The following PTPRG variants were observed in gnomAD, a reference collection of about 807,000 sequenced individuals.
PTPRG encodes protein tyrosine phosphatase receptor type G, also known as receptor-type tyrosine-protein phosphatase gamma.
A neutral mutation model predicts 165.3 loss-of-function variants in PTPRG; 102 were observed. The observed-to-expected ratio is 0.62, with a 90% CI of 0.53 to 0.73. PTPRG has a LOEUF of 0.73. Among genes scored for constraint, PTPRG ranks in the 30% least tolerant of loss-of-function variants. The probability of loss-of-function intolerance (pLI) is 0.00; values close to 1 mark genes in which losing one functional copy is unlikely to be tolerated. For synonymous variants in PTPRG, 675 were observed against 669.5 expected, an observed-to-expected ratio of 1.01 and a Z score of -0.13; for missense variants, 1,866 against 1,861.4, an observed-to-expected ratio of 1.00 and a Z score of -0.05.
intron 4 of PTPRG, among the ~76,000 whole-genome samples, chr3:62,042,708 A>G (rs1035564496): frequency 3.3e-5 from 5 of 152,256 alleles, no homozygotes; most frequent in East Asian, 1.9e-4. Context: ...CATAGCTTCT[A>G]TAATTCTGTG....
intron 8 of PTPRG, among the ~76,000 whole-genome samples, chr3:62,173,327 G>A (rs1705291149): frequency 6.6e-6 from 1 of 151,836 alleles, no homozygotes; most frequent in South Asian, 2.1e-4. Context: ...TATAAGTGCC[G>A]ACTGTACTCA....
intron 1 of PTPRG, among the ~76,000 whole-genome samples, chr3:61,646,036 A>G (rs1702191834): frequency 6.6e-6 from 1 of 151,958 alleles, no homozygotes; most frequent in African/African-American, 2.4e-5. Flanking sequence ...ACAAATAAGG[A>G]CTCCTCCATT....
At chr3:61,717,185 C>T (rs1384277651) in intron 1 of PTPRG, among the ~76,000 whole-genome samples, 1 of 151,956 alleles carries the variant, frequency 6.6e-6, no homozygotes, top group Admixed American at 6.6e-5. Flanking sequence ...TTTTTTTCTG[C>T]CTTGTGTGGT....
intron 1 of PTPRG, among the ~76,000 whole-genome samples, chr3:61,747,560 C>G (rs964859714): frequency 1.3e-5 from 2 of 152,052 alleles, no homozygotes; most frequent in African/African-American, 4.8e-5. Context: ...CTGTGGAATA[C>G]TATTGTTCAA....
At chr3:62,221,981 A>G (rs1047241799) in intron 13 of PTPRG, among the ~76,000 whole-genome samples, 3 of 152,286 alleles carry the variant, frequency 2.0e-5, no homozygotes, top group Admixed American at 2.0e-4. Context: ...GGTGGCACCA[A>G]CTCATGTGAT....
At chr3:61,854,964 T>C (rs558503190) in intron 2 of PTPRG, among the ~76,000 whole-genome samples, 7 of 152,352 alleles carry the variant, frequency 4.6e-5, no homozygotes, top group Non-Finnish European at 8.8e-5. Flanking sequence ...GCATTAATTT[T>C]TCTAGTAGAG....
chr3:62,205,532 G>C (rs538618165), intron 12 of PTPRG, among the ~76,000 whole-genome samples: 47 of 152,288 alleles, frequency 3.1e-4, no homozygotes, highest in Non-Finnish European at 4.9e-4. Context: ...GGAGCGGAGG[G>C]ACAGTGTAGC....
At chr3:62,038,261 T>C (rs1174989664) in intron 4 of PTPRG, among the ~76,000 whole-genome samples, 1 of 152,240 alleles carries the variant, frequency 6.6e-6, no homozygotes, top group Non-Finnish European at 1.5e-5. Context: ...CTCCCTAAGT[T>C]GGTAATGCAG....
chr3:61,676,456 CAAAAAAA>C (rs71629138), intron 1 of PTPRG, among the ~76,000 whole-genome samples: 6 of 21,868 alleles, frequency 2.7e-4, no homozygotes, highest in African/African-American at 7.3e-4. Context: ...GACTCCATCT[CAAAAAAA>C]AAAAAAAAAA....
chr3:62,019,206 A>T (rs899228391), intron 4 of PTPRG, among the ~76,000 whole-genome samples: 20 of 152,266 alleles, frequency 1.3e-4, no homozygotes, highest in Non-Finnish European at 1.5e-5. Context: ...ACAGTAAGAG[A>T]TATTCCCCAT....
intron 2 of PTPRG, among the ~76,000 whole-genome samples, chr3:61,799,885 A>AG (rs1182791270): frequency 6.6e-6 from 1 of 152,188 alleles, no homozygotes; most frequent in Admixed American, 6.5e-5. Flanking sequence ...TTATTGTTCA[A>AG]GGGGTTGAAT....
chr3:62,142,048 A>G (rs917875553), intron 6 of PTPRG, among the ~76,000 whole-genome samples: 4 of 151,002 alleles, frequency 2.6e-5, no homozygotes, highest in African/African-American at 7.3e-5. Flanking sequence ...CCACGATGGG[A>G]AAGAATGGCC....
At chr3:61,669,491 T>G (rs893204399) in intron 1 of PTPRG, among the ~76,000 whole-genome samples, 7 of 152,224 alleles carry the variant, frequency 4.6e-5, no homozygotes, top group Non-Finnish European at 1.0e-4. Context: ...CTCTTACTCC[T>G]TCTTACTTCT....
intron 5 of PTPRG, among the ~76,000 whole-genome samples, chr3:62,127,184 T>G (rs558869243): frequency 1.3e-5 from 2 of 152,214 alleles, no homozygotes; most frequent in African/African-American, 4.8e-5. Context: ...GTGATCTCTT[T>G]CTGGGTAAGG....
intron 2 of PTPRG, among the ~76,000 whole-genome samples, chr3:61,943,410 G>A (rs2039681824): frequency 6.6e-6 from 1 of 152,110 alleles, no homozygotes; most frequent in South Asian, 2.1e-4. Context: ...GGCCAACATG[G>A]CGCAACTCCG....
intron 2 of PTPRG, among the ~76,000 whole-genome samples, chr3:61,961,781 G>A (rs1415709180): frequency 6.6e-6 from 1 of 152,128 alleles, no homozygotes; most frequent in African/African-American, 2.4e-5. Flanking sequence ...CATCAACCCA[G>A]GGGACTTGTA....
chr3:62,163,579 T>G (rs1409730686), intron 7 of PTPRG, among the ~76,000 whole-genome samples: 1 of 152,178 alleles, frequency 6.6e-6, no homozygotes, highest in Non-Finnish European at 1.5e-5. Context: ...TGTCATAGGT[T>G]TGATAAATAT....
At chr3:61,731,813 C>CT (rs1047013695) in intron 1 of PTPRG, among the ~76,000 whole-genome samples, 24 of 148,346 alleles carry the variant, frequency 1.6e-4, no homozygotes, top group African/African-American at 5.2e-4. Context: ...TTTCTTTTTT[C>CT]TTTTTTTTGA....
chr3:61,647,811 A>AAAAAAT (rs1553644135), intron 1 of PTPRG, among the ~76,000 whole-genome samples: 1 of 147,184 alleles, frequency 6.8e-6, no homozygotes, highest in East Asian at 2.0e-4. Flanking sequence ...AAAAAAAAAA[A>AAAAAAT]GAGTTAGCAA....
Sources: allele counts gnomAD v4.1 joint callset (sites outside exome capture counted in the v4.1 genomes callset), GRCh38; gene constraint gnomAD v4.1.1; transcripts MANE v1.5; gene names NCBI Gene and HGNC (gene_info 2026-07-23, HGNC 2026-07-21).